Variants in FAM124A observed in about 807,000 individuals in gnomAD.
FAM124A encodes the protein protein FAM124A.
In FAM124A, 23 loss-of-function variants were observed where a neutral mutation model predicts 24.5. The ratio of observed to expected loss-of-function variants is 0.94; its 90% CI spans 0.68 to 1.33. FAM124A has a LOEUF of 1.33. Ranked by LOEUF, FAM124A falls within the 40% of genes most tolerant of loss-of-function variation. FAM124A has a pLI of 0.00. For missense variants in FAM124A, 623 were observed against 722.8 expected (o/e 0.86, Z 1.58); for synonymous variants, 287 against 314.7 (o/e 0.91, Z 0.93).
intron 2 of FAM124A, among the ~76,000 whole-genome samples, chr13:51,239,846 G>A (rs1954473056): frequency 6.6e-6 from 1 of 152,084 alleles, no homozygotes; most frequent in South Asian, 2.1e-4. Context: ...ATAGATAGTA[G>A]GTTTTTTAAA....
rs1954626635 is a variant in FAM124A, at chr13:51,251,830, CCTGGGACGCCGCTT to C, written c.464_477del (p.Pro155LeufsTer26). On this transcript the variant is annotated frameshift_variant, in exon 3 of 4. Coordinates refer to ENST00000322475, the MANE Select transcript of FAM124A (RefSeq NM_001242312.2). LOFTEE classifies it high-confidence loss of function. The surrounding 1 kb of genome is among the most constrained non-coding windows in gnomAD (Gnocchi z 5.3). ...CAGCCAGGACTTCTTCACGCTGGCC[CCTGGGACGCCGCTT>C]TGGGCCATCCGGCCCGTGCACTACG... The C allele has an allele frequency of 1.9e-6, 3 of 1,607,150 alleles. No individual in the cohort carries two copies. Among genetic ancestry groups the C allele is most frequent in the Non-Finnish European group, 2.5e-6 (3 of 1,176,894 alleles).
intron 2 of FAM124A, among the ~76,000 whole-genome samples, chr13:51,244,839 A>ATGCC (rs1954538273): frequency 3.3e-5 from 5 of 152,224 alleles, no homozygotes; most frequent in African/African-American, 4.8e-5. Context: ...ACCCAGGCGA[A>ATGCC]ACAGCCAGCC....
chr13:51,246,834 G>T (rs1954569487), intron 2 of FAM124A, among the ~76,000 whole-genome samples: 1 of 152,220 alleles, frequency 6.6e-6, no homozygotes, highest in Non-Finnish European at 1.5e-5. Flanking sequence ...GATGGCACAG[G>T]GCTGAGCGCC....
intron 3 of FAM124A, among the ~76,000 whole-genome samples, chr13:51,260,065 C>T (rs969908825): frequency 3.3e-5 from 5 of 151,960 alleles, no homozygotes; most frequent in East Asian, 1.9e-4. Context: ...AGGAGGTGTC[C>T]GGGAGGAGGG....
In FAM124A at chr13:51,283,360, G is replaced by GA. The variant is rs1254932134; in HGVS notation, c.*2106dup. 2 of 152,136 alleles carry GA rather than the reference G, an allele frequency of 1.3e-5. No homozygotes were observed. Among genetic ancestry groups the GA allele is most frequent in the Non-Finnish European group, 2.9e-5 (2 of 68,028 alleles). The allele number at this position is 152,136 out of a possible 1,614,324, so 9.4% of individuals were successfully genotyped here. ...CCAGCCAATAAAACTTTATTTACAA[G>GA]AACAGCTGGTGGGCCAGATTTGGCC... On this transcript the variant is annotated 3_prime_UTR_variant, in exon 4 of 4. Coordinates refer to ENST00000322475, the MANE Select transcript of FAM124A (RefSeq NM_001242312.2).
chr13:51,250,170 G>A (rs891987057), intron 2 of FAM124A, among the ~76,000 whole-genome samples: 1 of 152,134 alleles, frequency 6.6e-6, no homozygotes, highest in African/African-American at 2.4e-5. Flanking sequence ...AAGCCCACTT[G>A]GAATGTCTAC....
intron 2 of FAM124A, among the ~76,000 whole-genome samples, chr13:51,247,635 ATC>A (rs1282104945): frequency 6.6e-6 from 1 of 152,052 alleles, no homozygotes; most frequent in East Asian, 1.9e-4. Flanking sequence ...CATTAAAATC[ATC>A]TGTCATTTTT....
At chr13:51,232,232 C>G (rs1451972494) in intron 2 of FAM124A, among the ~76,000 whole-genome samples, 1 of 152,136 alleles carries the variant, frequency 6.6e-6, no homozygotes, top group African/African-American at 2.4e-5. Flanking sequence ...AATTATGCCT[C>G]ATAACTAGAA....
At chr13:51,241,099 AAC>A (rs1174904633) in intron 2 of FAM124A, among the ~76,000 whole-genome samples, 1 of 152,210 alleles carries the variant, frequency 6.6e-6, no homozygotes, top group African/African-American at 2.4e-5. Flanking sequence ...CAGCTCTTGC[AAC>A]AGAGAGCCTT....
In FAM124A at chr13:51,225,975, T is replaced by G. The variant is rs183362541; in HGVS notation, c.68+3406T>G. Among the ~76,000 whole-genome samples the G allele has an allele frequency of 4.4e-3, 418 of 95,300 alleles. 2 individuals carry two copies. Among genetic ancestry groups the G allele is most frequent in the Non-Finnish European group, 5.6e-3 (246 of 44,026 alleles). 62.5% of individuals were successfully genotyped at this position (95,300 alleles called of 152,430 possible). Reference sequence around the variant, plus strand: ...AATCTGTAATGTTGCTTGCTTGCTTTCTTTTTTTTTTTTTTTTTTTTTTTT... The same window carrying G: ...AATCTGTAATGTTGCTTGCTTGCTTGCTTTTTTTTTTTTTTTTTTTTTTTT... On this transcript the variant is annotated intron_variant, in intron 1 of 3. Coordinates refer to ENST00000322475, the MANE Select transcript of FAM124A (RefSeq NM_001242312.2).
intron 2 of FAM124A, among the ~76,000 whole-genome samples, chr13:51,245,118 G>A (rs1954543004): frequency 6.6e-6 from 1 of 152,214 alleles, no homozygotes; most frequent in Non-Finnish European, 1.5e-5. Context: ...GCAGGTGTCT[G>A]GTCTGCCACA....
chr13:51,244,055 G>C (rs565693030), intron 2 of FAM124A, among the ~76,000 whole-genome samples: 13 of 152,302 alleles, frequency 8.5e-5, no homozygotes, highest in African/African-American at 2.9e-4. Flanking sequence ...CCAGGCTCCA[G>C]GGCCAGATTC....
At chr13:51,259,295 T>A (rs546512209) in intron 3 of FAM124A, among the ~76,000 whole-genome samples, 1 of 152,016 alleles carries the variant, frequency 6.6e-6, no homozygotes, top group African/African-American at 2.4e-5. Context: ...GCAAATCAGA[T>A]CATGTGACTC....
chr13:51,267,622 T>C (rs1167397442), intron 3 of FAM124A, among the ~76,000 whole-genome samples: 1 of 152,154 alleles, frequency 6.6e-6, no homozygotes, highest in African/African-American at 2.4e-5. Flanking sequence ...TTTCTAAAAG[T>C]GTTCTCCTTT....
rs1361259374 is a variant in FAM124A at position 51,252,118 on chromosome 13, C to T, written c.751C>T (p.Pro251Ser). The T allele has an allele frequency of 6.2e-7, 1 of 1,614,060 alleles. No individual in the cohort carries two copies. The highest frequency in any genetic ancestry group is 2.2e-5 in the East Asian group (1 of 44,874). ...FRVRDIGELV[P>S]LLPNPCSPIS... ...AGTGAGGGACATAGGCGAGCTCGTG[C>T]CTCTCCTGCCCAACCCTTGCAGCCC... is the stretch of plus-strand genomic sequence containing the variant. Residue 251 changes from proline (P) to serine (S), a missense_variant, in exon 3 of 4, where the codon CCT (proline) becomes TCT (serine). Physicochemically the swap from Pro to Ser is moderately conservative, Grantham distance 74. Coordinates refer to ENST00000322475, the MANE Select transcript of FAM124A (RefSeq NM_001242312.2).
rs1010048396 is a variant in FAM124A at position 51,283,753 on chromosome 13, A to T, written c.*2497A>T. ...ACAGGGAAGCAAGTTCATCAGTAAC[A>T]AAAGTCAGTGAGGCAAAAAAAAAAA... On this transcript the variant is annotated 3_prime_UTR_variant, in exon 4 of 4. Coordinates refer to ENST00000322475, the MANE Select transcript of FAM124A (RefSeq NM_001242312.2). 1 of 149,260 alleles carries T rather than the reference A, an allele frequency of 6.7e-6. No individual in the cohort carries two copies. Among genetic ancestry groups the T allele is most frequent in the Non-Finnish European group, 1.5e-5 (1 of 67,540 alleles). The allele number at this position is 149,260 out of a possible 1,614,324, so 9.2% of individuals were successfully genotyped here. A position where few individuals can be genotyped will look rare whatever the true frequency, so the allele number is the denominator to read the frequency against.
chr13:51,246,684 G>A (rs1349352341), intron 2 of FAM124A, among the ~76,000 whole-genome samples: 1 of 152,150 alleles, frequency 6.6e-6, no homozygotes, highest in Non-Finnish European at 1.5e-5. Context: ...GGTACTTGGT[G>A]GAATGCCTTT....
At chr13:51,247,882 CGATCGTGTCAT>C (rs1954580128) in intron 2 of FAM124A, among the ~76,000 whole-genome samples, 1 of 152,112 alleles carries the variant, frequency 6.6e-6, no homozygotes. Flanking sequence ...GTACTTCTGC[CGATCGTGTCAT>C]GAATGTTCAA....
At chr13:51,279,195 C>T (rs1264252394) in intron 3 of FAM124A, among the ~76,000 whole-genome samples, 1 of 152,168 alleles carries the variant, frequency 6.6e-6, no homozygotes, top group Non-Finnish European at 1.5e-5. Context: ...TCTCTAATAG[C>T]CTCATTTTAT....
Sources: allele counts gnomAD v4.1 joint callset (sites outside exome capture counted in the v4.1 genomes callset), GRCh38; gene constraint gnomAD v4.1.1; non-coding constraint Gnocchi (gnomAD v3.1); transcripts MANE v1.5; gene names NCBI Gene and HGNC (gene_info 2026-07-23, HGNC 2026-07-21).